The following FHIT variants were observed in gnomAD, a reference collection of about 807,000 sequenced individuals.
The protein encoded by FHIT is fragile histidine triad diadenosine triphosphatase.
FHIT carries 19 observed loss-of-function variants against 17.9 expected under a neutral mutation model. The observed-to-expected ratio is 1.06, with a 90% CI of 0.74 to 1.56. The LOEUF (loss-of-function observed/expected upper bound fraction) is 1.56, where lower values mean the gene tolerates loss of function less well. FHIT is among the 40% of genes most tolerant of loss of function. The probability of loss-of-function intolerance (pLI) is 0.00; values close to 1 mark genes in which losing one functional copy is unlikely to be tolerated. For synonymous variants in FHIT, 81 were observed against 69.7 expected, an observed-to-expected ratio of 1.16 and a Z score of -0.81; for missense variants, 248 against 189.2, an observed-to-expected ratio of 1.31 and a Z score of -1.82.
intron 3 of FHIT, among the ~76,000 whole-genome samples, chr3:60,937,540 CT>C (rs35814395): frequency 7.1e-6 from 1 of 141,722 alleles, no homozygotes; most frequent in Non-Finnish European, 1.5e-5. Context: ...TGGTCTACTG[CT>C]TTTTTTTTCT....
At chr3:60,740,891 T>C (rs976419487) in intron 4 of FHIT, among the ~76,000 whole-genome samples, 1 of 152,232 alleles carries the variant, frequency 6.6e-6, no homozygotes, top group East Asian at 1.9e-4. Flanking sequence ...AACCAACTCC[T>C]AGGAGTAACA....
chr3:60,187,896 T>C (rs777292097), intron 5 of FHIT, among the ~76,000 whole-genome samples: 1 of 152,174 alleles, frequency 6.6e-6, no homozygotes, highest in Non-Finnish European at 1.5e-5. Context: ...TTTAAAAAAT[T>C]ACAATTCTAC....
At chr3:61,163,062 T>G (rs1186160395) in intron 2 of FHIT, among the ~76,000 whole-genome samples, 1 of 152,130 alleles carries the variant, frequency 6.6e-6, no homozygotes, top group African/African-American at 2.4e-5. Flanking sequence ...TTTCGAGACT[T>G]CACTTGTAGG....
At chr3:59,907,925 T>C (rs533187420) in intron 8 of FHIT, among the ~76,000 whole-genome samples, 286 of 152,334 alleles carry the variant, frequency 1.9e-3, no homozygotes, top group Middle Eastern at 6.8e-3. Context: ...AGGCCATTGA[T>C]GGCCAGTTGA....
At chr3:60,946,917 C>T (rs540354727) in intron 3 of FHIT, among the ~76,000 whole-genome samples, 1 of 152,188 alleles carries the variant, frequency 6.6e-6, no homozygotes, top group South Asian at 2.1e-4. Context: ...TACTTCTTAG[C>T]CCTTGAAACG....
chr3:60,217,173 A>C (rs1703734301), intron 5 of FHIT, among the ~76,000 whole-genome samples: 2 of 152,220 alleles, frequency 1.3e-5, no homozygotes, highest in Non-Finnish European at 2.9e-5. Context: ...ACACAATTAC[A>C]AGCTTCCTAA....
chr3:60,356,530 T>TCACTCA (rs1699657874), intron 5 of FHIT, among the ~76,000 whole-genome samples: 1 of 152,072 alleles, frequency 6.6e-6, no homozygotes, highest in African/African-American at 2.4e-5. Flanking sequence ...GCCACTCCAT[T>TCACTCA]CTAAGCTGTG....
At chr3:60,247,059 T>C (rs1705433254) in intron 5 of FHIT, among the ~76,000 whole-genome samples, 1 of 152,114 alleles carries the variant, frequency 6.6e-6, no homozygotes, top group African/African-American at 2.4e-5. Context: ...ATAGAAACTA[T>C]GGACTTTGGG....
chr3:59,903,506 T>G (rs371990761), intron 8 of FHIT, among the ~76,000 whole-genome samples: 4 of 152,156 alleles, frequency 2.6e-5, no homozygotes, highest in African/African-American at 9.7e-5. Context: ...AAGGAAGAAA[T>G]AAAAATGGTC....
chr3:60,782,244 T>TATAC (rs2108098425), intron 4 of FHIT, among the ~76,000 whole-genome samples: 1 of 151,298 alleles, frequency 6.6e-6, no homozygotes, highest in East Asian at 1.9e-4. Flanking sequence ...TGTGTATATA[T>TATAC]ATATATATAT....
chr3:61,211,913 C>G (rs2039490631), intron 1 of FHIT, among the ~76,000 whole-genome samples: 1 of 152,210 alleles, frequency 6.6e-6, no homozygotes, highest in South Asian at 2.1e-4. Flanking sequence ...GAGTGGACCT[C>G]TAGCAAACTC....
At chr3:60,303,869 G>A (rs552061469) in intron 5 of FHIT, among the ~76,000 whole-genome samples, 55 of 152,124 alleles carry the variant, frequency 3.6e-4, no homozygotes, top group Non-Finnish European at 7.1e-4. Context: ...TGAGGGACTG[G>A]AGACAGGAGT....
chr3:60,094,406 G>A (rs1703854310), intron 5 of FHIT, among the ~76,000 whole-genome samples: 1 of 150,082 alleles, frequency 6.7e-6, no homozygotes, highest in Non-Finnish European at 1.5e-5. Flanking sequence ...TTAGTGACAG[G>A]GCCCAACCGG....
intron 4 of FHIT, among the ~76,000 whole-genome samples, chr3:60,551,716 C>T (rs2036565723): frequency 6.7e-6 from 1 of 148,804 alleles, no homozygotes. Flanking sequence ...TGTGATCATG[C>T]CCCTGCACTC....
chr3:60,164,308 C>T (rs1273258294), intron 5 of FHIT, among the ~76,000 whole-genome samples: 1 of 152,100 alleles, frequency 6.6e-6, no homozygotes, highest in Non-Finnish European at 1.5e-5. Context: ...AATGACATCC[C>T]ACCAAAATGG....
intron 5 of FHIT, among the ~76,000 whole-genome samples, chr3:60,477,187 G>A (rs2033389328): frequency 1.3e-5 from 2 of 151,166 alleles, no homozygotes; most frequent in African/African-American, 4.9e-5. Context: ...TTAACTACCT[G>A]AGGTCTTCAA....
chr3:60,769,542 C>T (rs1055922381), intron 4 of FHIT, among the ~76,000 whole-genome samples: 4 of 152,186 alleles, frequency 2.6e-5, no homozygotes, highest in South Asian at 2.1e-4. Flanking sequence ...ATTCACGAAT[C>T]GGGCAGCCCC....
intron 2 of FHIT, among the ~76,000 whole-genome samples, chr3:61,167,683 G>A: frequency 2.1e-5 from 3 of 145,616 alleles, no homozygotes; most frequent in South Asian, 4.4e-4. Context: ...TAAAAGAAAA[G>A]GAAAAGAAAG....
intron 5 of FHIT, among the ~76,000 whole-genome samples, chr3:60,369,200 A>G (rs892804545): frequency 1.3e-5 from 2 of 151,690 alleles, no homozygotes; most frequent in Non-Finnish European, 2.9e-5. Flanking sequence ...CTTGAATTCT[A>G]GGATCAAACA....
Sources: allele counts gnomAD v4.1 joint callset (sites outside exome capture counted in the v4.1 genomes callset), GRCh38; gene constraint gnomAD v4.1.1; transcripts MANE v1.5; gene names NCBI Gene and HGNC (gene_info 2026-07-23, HGNC 2026-07-21).